The following MAD1L1 variants were observed in gnomAD, a reference collection of about 807,000 sequenced individuals.
MAD1L1 encodes mitotic spindle assembly checkpoint protein MAD1.
In MAD1L1, 95 loss-of-function variants were observed where a neutral mutation model predicts 96.9. The observed-to-expected ratio is 0.98, with a 90% CI of 0.83 to 1.16. The LOEUF (loss-of-function observed/expected upper bound fraction) is 1.16. MAD1L1 is among the 50% of genes most tolerant of loss of function. The pLI is 0.00. For synonymous variants in MAD1L1, 473 were observed against 396.6 expected, an observed-to-expected ratio of 1.19 and a Z score of -2.29; for missense variants, 1,007 against 954.4, an observed-to-expected ratio of 1.06 and a Z score of -0.73.
intron 12 of MAD1L1, among the ~76,000 whole-genome samples, chr7:2,056,331 A>C (rs1398170610): frequency 6.6e-6 from 1 of 152,214 alleles, no homozygotes; most frequent in Non-Finnish European, 1.5e-5. Context: ...TGTGGAGCAG[A>C]AGAGACGGCG....
chr7:2,108,274 C>T (rs193192100), intron 11 of MAD1L1, among the ~76,000 whole-genome samples: 6 of 152,242 alleles, frequency 3.9e-5, no homozygotes, highest in East Asian at 1.9e-4. Context: ...GTCTCACAAA[C>T]GAACAAGGTG....
chr7:2,226,982 G>A lies in MAD1L1; in HGVS notation c.151-1432C>T, dbSNP rs1274505018. ...AGCCTGGATGACAGGGCAAGAGTTC[G>A]TCTCAAAAAAAAAAAAACAAAAGAA... On this transcript the variant is annotated intron_variant, in intron 3 of 18. Transcript: ENST00000265854. Among the ~76,000 whole-genome samples the A allele has an allele frequency of 2.9e-4, 39 of 134,624 alleles. No homozygotes were observed. In the East Asian group the frequency reaches 6.1e-3, roughly 21 times the overall value. 88.3% of individuals were successfully genotyped at this position (134,624 alleles called of 152,430 possible).
chr7:2,085,926 C>T (rs1450718319), intron 11 of MAD1L1, among the ~76,000 whole-genome samples: 1 of 152,210 alleles, frequency 6.6e-6, no homozygotes, highest in Non-Finnish European at 1.5e-5. Context: ...CCACCAGGTG[C>T]GTACGAGGGC....
At chr7:1,947,819 G>A (rs1009959340) in intron 16 of MAD1L1, among the ~76,000 whole-genome samples, 2 of 152,226 alleles carry the variant, frequency 1.3e-5, no homozygotes, top group Non-Finnish European at 2.9e-5. Flanking sequence ...AGGGCCAGCA[G>A]GAGGGCTGAA....
chr7:2,202,509 G>T (rs537891494), intron 10 of MAD1L1, among the ~76,000 whole-genome samples: 22 of 152,298 alleles, frequency 1.4e-4, no homozygotes, highest in African/African-American at 5.1e-4. Context: ...CATGGTGAAC[G>T]AATGAACAAA....
chr7:1,975,820 G>C (rs1780610581), intron 15 of MAD1L1, among the ~76,000 whole-genome samples: 1 of 152,080 alleles, frequency 6.6e-6, no homozygotes, highest in African/African-American at 2.4e-5. Flanking sequence ...CACCTCCCGG[G>C]ACCCAGAAGA....
chr7:2,058,043 C>T (rs1784456612), intron 12 of MAD1L1, among the ~76,000 whole-genome samples: 1 of 52,070 alleles, frequency 1.9e-5, no homozygotes, highest in Admixed American at 2.2e-4. Flanking sequence ...AGAGGAGAGG[C>T]GCGGGGCTGG....
intron 11 of MAD1L1, chr7:2,079,819 C>A: frequency 2.2e-6 from 1 of 464,368 alleles, no homozygotes. Flanking sequence ...ATGAGAACTG[C>A]AGAGACAAGG....
chr7:1,837,693 G>A (rs1330491024), intron 18 of MAD1L1, among the ~76,000 whole-genome samples: 1 of 152,234 alleles, frequency 6.6e-6, no homozygotes, highest in Non-Finnish European at 1.5e-5. Context: ...GCTAGATACT[G>A]CGTGATGCCA....
chr7:2,107,666 A>G (rs4721407), intron 11 of MAD1L1: 104,321 of 152,270 alleles, frequency 0.69, 35,973 homozygotes, highest in South Asian at 0.79. Flanking sequence ...GCCTCCTGGT[A>G]AGGCCCTGCC....
intron 18 of MAD1L1, among the ~76,000 whole-genome samples, chr7:1,827,299 G>C (rs1294837546): frequency 1.3e-5 from 2 of 152,230 alleles, no homozygotes; most frequent in Non-Finnish European, 2.9e-5. Flanking sequence ...AGGGAAGAAA[G>C]GGGACGCAGC....
intron 12 of MAD1L1, among the ~76,000 whole-genome samples, chr7:2,057,544 G>A (rs574565937): frequency 6.6e-6 from 1 of 151,438 alleles, no homozygotes; most frequent in Admixed American, 6.6e-5. Context: ...GAAGAAGTTG[G>A]GGAATGAAAC....
chr7:1,816,105 T>A lies in MAD1L1; in HGVS notation c.2122A>T (p.Thr708Ser). The part of the protein sequence containing the change: ...DSIPAFLSSL[T>S]LELFSRQTVA ...GTCTGGCGGCTGAAGAGCTCGAGGG[T>A]GAGCGAGCTGAGGAAGGCAGGGATG... The change falls in exon 19 of 19, where the codon ACC (threonine) becomes TCC (serine). Residue 708 changes from threonine (T) to serine (S), a missense_variant. By Grantham distance (58) the Thr-to-Ser change is moderately conservative. Transcript: ENST00000265854. 6.2e-7 allele frequency: 1 copy of A among 1,612,146 alleles called. No individual in the cohort carries two copies. The highest frequency in any genetic ancestry group is 8.5e-7 in the Non-Finnish European group (1 of 1,179,634).
intron 17 of MAD1L1, among the ~76,000 whole-genome samples, chr7:1,907,272 T>G (rs1787718376): frequency 6.6e-6 from 1 of 152,192 alleles, no homozygotes; most frequent in Non-Finnish European, 1.5e-5. Context: ...GGCCTGGGTC[T>G]GGGCCCTGCA....
At chr7:1,837,519 C>A (rs888291001) in intron 18 of MAD1L1, among the ~76,000 whole-genome samples, 15 of 152,332 alleles carry the variant, frequency 9.8e-5, no homozygotes, top group African/African-American at 3.4e-4. Context: ...ACTTTATTTG[C>A]AACAGCCCCA....
chr7:2,069,287 C>T lies in MAD1L1; in HGVS notation c.1125G>A (p.Gln375=). 6.2e-7 allele frequency: 1 copy of T among 1,610,236 alleles called. No homozygotes were observed. The highest frequency in any genetic ancestry group is 1.1e-5 in the South Asian group (1 of 90,814). Residue 375 remains glutamine (Q), a synonymous_variant, in exon 12 of 19, where the codon CAG becomes CAA. Coordinates refer to ENST00000265854, the MANE Select transcript of MAD1L1 (RefSeq NM_001013836.2). ...TCTCCTCCAACAGCTGGCCGCTGAC[C>T]TGCCGGAGCTCCTCCTGCAGCTGCT... is the stretch of plus-strand genomic sequence containing the variant. ...ARQQLQEELR[Q]VSGQLLEERK... is the part of the protein sequence containing the mutation.
chr7:2,180,202 T>C (rs1208261219), intron 10 of MAD1L1, among the ~76,000 whole-genome samples: 1 of 152,150 alleles, frequency 6.6e-6, no homozygotes, highest in Non-Finnish European at 1.5e-5. Context: ...TCCGTGCATG[T>C]TGCGCACAGG....
At chr7:1,917,361 C>G (rs1232336063) in intron 17 of MAD1L1, among the ~76,000 whole-genome samples, 1 of 152,210 alleles carries the variant, frequency 6.6e-6, no homozygotes, top group Non-Finnish European at 1.5e-5. Context: ...AGGGGCCACA[C>G]CCCTGACCAG....
intron 18 of MAD1L1, among the ~76,000 whole-genome samples, chr7:1,827,160 C>CATGGAG (rs1288059925): frequency 6.6e-6 from 1 of 152,206 alleles, no homozygotes; most frequent in South Asian, 2.1e-4. Context: ...CGTGGAAGGG[C>CATGGAG]ATGGAGGCCA....
Sources: allele counts gnomAD v4.1 joint callset (sites outside exome capture counted in the v4.1 genomes callset), GRCh38; gene constraint gnomAD v4.1.1; transcripts MANE v1.5; gene names NCBI Gene and HGNC (gene_info 2026-07-23, HGNC 2026-07-21).